The following HOXA11 variants were observed in gnomAD, a reference collection of about 807,000 sequenced individuals.
HOXA11 encodes the protein homeobox A11.
A neutral mutation model predicts 22.5 loss-of-function variants in HOXA11; 8 were observed. The ratio of observed to expected loss-of-function variants is 0.36; its 90% CI spans 0.21 to 0.64. The LOEUF (loss-of-function observed/expected upper bound fraction) is 0.64. Among genes scored for constraint, HOXA11 ranks in the 30% least tolerant of loss-of-function variants. The pLI is 0.67. For missense variants in HOXA11, 388 were observed against 429.0 expected, an observed-to-expected ratio of 0.90 and a Z score of 0.84; for synonymous variants, 211 against 188.4, an observed-to-expected ratio of 1.12 and a Z score of -0.98.
chr7:27,181,362 G>T lies in HOXA11; in HGVS notation c.*1434C>A, dbSNP rs1424644720. 1 of 207,618 alleles carries T rather than the reference G, an allele frequency of 4.8e-6. No homozygotes were observed. Among genetic ancestry groups the T allele is most frequent in the Non-Finnish European group, 9.8e-6 (1 of 101,788 alleles). 12.9% of individuals were successfully genotyped at this position (207,618 alleles called of 1,614,324 possible). A position where few individuals can be genotyped will look rare whatever the true frequency, so the allele number is the denominator to read the frequency against. On this transcript the variant is annotated 3_prime_UTR_variant, in exon 2 of 2. Transcript: ENST00000006015. ...CAGATGAGATCCCCAGGCCGGCCAG[G>T]CCGACTGCCTCTGAGCATTTCCCTA...
In HOXA11 at chr7:27,182,548, C is replaced by T. The variant is rs1237703231; in HGVS notation, c.*248G>A. On this transcript the variant is annotated 3_prime_UTR_variant, in exon 2 of 2. Coordinates refer to ENST00000006015, the MANE Select transcript of HOXA11 (RefSeq NM_005523.6). Reference sequence around the variant, plus strand: ...CTCTGCAGGCTCCAAGAGTGAACCACCAGGGGTCCCAAACCTGTCATTCTA... The same window carrying T: ...CTCTGCAGGCTCCAAGAGTGAACCATCAGGGGTCCCAAACCTGTCATTCTA... The T allele has an allele frequency of 2.5e-5, 14 of 553,348 alleles. No homozygotes were observed. The highest frequency in any genetic ancestry group is 9.8e-5 in the South Asian group (5 of 51,092). 34.3% of individuals were successfully genotyped at this position (553,348 alleles called of 1,614,324 possible).
chr7:27,183,163 C>T, intron 1 of HOXA11, 135 bp from the exon 2 acceptor site: 3 of 639,984 alleles, frequency 4.7e-6, no homozygotes, highest in Middle Eastern at 4.3e-4. Context: ...GCCCAGGCCC[C>T]TGCCTTTAAC....
In HOXA11 at chr7:27,182,339, G is replaced by A. The variant is rs769354206; in HGVS notation, c.*457C>T. 7.0e-6 allele frequency: 2 copies of A among 286,246 alleles called. No individual in the cohort carries two copies. Among genetic ancestry groups the A allele is most frequent in the African/African-American group, 2.1e-5 (1 of 47,056 alleles). 17.7% of individuals were successfully genotyped at this position (286,246 alleles called of 1,614,324 possible). ...AAAGCAGCCTCATTCTGGGCACCTAGTAATCCTACCCCTTCCTCCTGCCCC... is the reference window on the plus strand; with the variant it reads ...AAAGCAGCCTCATTCTGGGCACCTAATAATCCTACCCCTTCCTCCTGCCCC... On this transcript the variant is annotated 3_prime_UTR_variant, in exon 2 of 2. Transcript: ENST00000006015.
chr7:27,183,252 G>A (rs1783798076), intron 1 of HOXA11, among the ~76,000 whole-genome samples: 1 of 152,350 alleles, frequency 6.6e-6, no homozygotes, highest in African/African-American at 2.4e-5. Flanking sequence ...TAGGCCCCCG[G>A]GGAAGCTGCT....
chr7:27,182,677 A>C lies in HOXA11; in HGVS notation c.*119T>G, dbSNP rs1459848397. 7 of 754,976 alleles carry C rather than the reference A, an allele frequency of 9.3e-6. No homozygotes were observed. Among genetic ancestry groups the C allele is most frequent in the Non-Finnish European group, 1.7e-5 (7 of 410,284 alleles). The allele number at this position is 754,976 out of a possible 1,614,324, so 46.8% of individuals were successfully genotyped here. A position where few individuals can be genotyped will look rare whatever the true frequency, so the allele number is the denominator to read the frequency against. The stretch of plus-strand genomic sequence containing the variant: ...ACCTCCTGTGGGGCTATCTCCATGC[A>C]TCCCTCTCTTGCACACCTCTTTTCA... On this transcript the variant is annotated 3_prime_UTR_variant, in exon 2 of 2. Coordinates refer to ENST00000006015, the MANE Select transcript of HOXA11 (RefSeq NM_005523.6).
Position 27,184,458 on chromosome 7 carries a change from A to T in HOXA11, c.687T>A (p.Thr229=), listed in dbSNP as rs540781967. The change falls in exon 1 of 2, where the codon ACT becomes ACA. Residue 229 remains threonine (T), a synonymous_variant. Transcript: ENST00000006015. ...TACTGGAGCCGCCGGCCTTGTCCTC[A>T]GTGTGGCCGGAAGACGACTCGGGGC... The part of the protein sequence containing the change: ...SSSPESSSGH[T]EDKAGGSSGQ... The T allele has an allele frequency of 4.5e-6, 7 of 1,565,220 alleles. No homozygotes were observed. In the South Asian group the frequency reaches 8.2e-5, roughly 18 times the overall value.
In HOXA11 at chr7:27,184,591, C is replaced by G; in HGVS notation, c.554G>C (p.Gly185Ala). 6.7e-7 allele frequency: 1 copy of G among 1,495,740 alleles called. No homozygotes were observed. The highest frequency in any genetic ancestry group is 8.9e-7 in the Non-Finnish European group (1 of 1,122,426). The allele number at this position is 1,495,740 out of a possible 1,614,324, so 92.7% of individuals were successfully genotyped here. The change falls in exon 1 of 2, where the codon GGC (glycine) becomes GCC (alanine). Residue 185 changes from glycine (G) to alanine (A), a missense_variant. Coordinates refer to ENST00000006015, the MANE Select transcript of HOXA11 (RefSeq NM_005523.6). ...GTCCGAACTTGAAGTTGCCGGCGCGCCCGTTGCAGCCGCCGCCGCCGCCGC... is the reference window on the plus strand; with the variant it reads ...GTCCGAACTTGAAGTTGCCGGCGCGGCCGTTGCAGCCGCCGCCGCCGCCGC... The part of the protein sequence containing the change: ...TSAAAAAAAT[G>A]APATSSSDSG...
Position 27,182,973 on chromosome 7 carries a change from C to T in HOXA11, c.765G>A (p.Glu255=). Residue 255 remains glutamate (E), a synonymous_variant, in exon 2 of 2, where the codon GAG becomes GAA. Transcript: ENST00000006015. ...CGCTGAAGAAGAACTCCCGTTCCAG[C>T]TCTCGGATCTGGTACTTGGTATAGG... is the stretch of plus-strand genomic sequence containing the variant. ...RCPYTKYQIR[E]LEREFFFSVY... 2.5e-6 allele frequency: 4 copies of T among 1,614,194 alleles called. No homozygotes were observed. The highest frequency in any genetic ancestry group is 2.5e-6 in the Non-Finnish European group (3 of 1,180,036).
rs1396193557 is a variant in HOXA11 at position 27,184,769 on chromosome 7, A to C, written c.376T>G (p.Phe126Val). The C allele has an allele frequency of 6.2e-7, 1 of 1,613,842 alleles. No individual in the cohort carries two copies. The highest frequency in any genetic ancestry group is 1.1e-5 in the South Asian group (1 of 91,074). ...CCGTTCCTGCCCACGGTGCTATAGA[A>C]ATTGGACGAGACTGCGGGGGTGGGG... Reference protein sequence around the residue: ...HHPTPAVSSNFYSTVGRNGVL... With the variant: ...HHPTPAVSSNVYSTVGRNGVL... The change falls in exon 1 of 2, where the codon TTC becomes GTC. Residue 126 changes from phenylalanine to valine, a missense_variant. Coordinates refer to ENST00000006015, the MANE Select transcript of HOXA11 (RefSeq NM_005523.6).
rs1293092273 is a variant in HOXA11, at chr7:27,184,527, T to TGCC, written c.615_617dup (p.Ala207dup). ...GCCGCCGCCGCTCTTTCTCCTCTGCTGCCGCCGCCGTCTCCCGGCAGCCGC... is the reference window on the plus strand; with the variant it reads ...GCCGCCGCCGCTCTTTCTCCTCTGCTGCCGCCGCCGCCGTCTCCCGGCAGCCGC... On this transcript the variant is annotated inframe_insertion, in exon 1 of 2. Coordinates refer to ENST00000006015, the MANE Select transcript of HOXA11 (RefSeq NM_005523.6). 1 of 1,508,088 alleles carries TGCC rather than the reference T, an allele frequency of 6.6e-7. No homozygotes were observed. Among genetic ancestry groups the TGCC allele is most frequent in the Non-Finnish European group, 8.9e-7 (1 of 1,125,950 alleles). The allele number at this position is 1,508,088 out of a possible 1,614,324, so 93.4% of individuals were successfully genotyped here.
At chr7:27,183,905 C>T (rs1783810550) in intron 1 of HOXA11, among the ~76,000 whole-genome samples, 1 of 152,078 alleles carries the variant, frequency 6.6e-6, no homozygotes, top group East Asian at 1.9e-4. Context: ...ACAAAAAGGC[C>T]AACTTTGGGT....
Position 27,184,518 on chromosome 7 carries a change from C to A in HOXA11, c.627G>T (p.Glu209Asp). The A allele has an allele frequency of 6.6e-7, 1 of 1,526,518 alleles. No homozygotes were observed. The highest frequency in any genetic ancestry group is 8.8e-7 in the Non-Finnish European group (1 of 1,135,764). 94.6% of individuals were successfully genotyped at this position (1,526,518 alleles called of 1,614,324 possible). Residue 209 changes from glutamate (E) to aspartate (D), a missense_variant, in exon 1 of 2, where the codon GAG (glutamate) becomes GAT (aspartate). Physicochemically the swap from Glu to Asp is conservative, Grantham distance 45. This residue lies in a region of HOXA11 where 295 missense variants were observed against 281.1 expected (regional missense o/e 1.05). Transcript: ENST00000006015. ...TCTCGGGGCGCCGCCGCCGCTCTTT[C>A]TCCTCTGCTGCCGCCGCCGTCTCCC... ...GCRETAAAAEEKERRRRPESS... is the reference protein window; with the variant it reads ...GCRETAAAAEDKERRRRPESS...
Position 27,182,505 on chromosome 7 carries a change from A to G in HOXA11, c.*291T>C, listed in dbSNP as rs1583440130. ...GGCAGGGGCCCAATCCCCAGTGGAGACCACACCCAGCCCGCAGCTCTGCAG... is the reference window on the plus strand; with the variant it reads ...GGCAGGGGCCCAATCCCCAGTGGAGGCCACACCCAGCCCGCAGCTCTGCAG... On this transcript the variant is annotated 3_prime_UTR_variant, in exon 2 of 2. Transcript: ENST00000006015. 3.9e-5 allele frequency: 19 copies of G among 492,340 alleles called. No homozygotes were observed. In the East Asian group the frequency reaches 6.9e-4, roughly 18 times the overall value. The allele number at this position is 492,340 out of a possible 1,614,324, so 30.5% of individuals were successfully genotyped here. A position where few individuals can be genotyped will look rare whatever the true frequency, so the allele number is the denominator to read the frequency against.
rs116904520 is a variant in HOXA11 at position 27,183,127 on chromosome 7, G to A, written c.710-99C>T. On this transcript the variant is annotated intron_variant, in intron 1 of 1. Transcript: ENST00000006015. Reference sequence around the variant, plus strand: ...AGAAGGGCTGCCATGGGGACTGGTGGTCCAGCCCAAGCCCCGTCAAAGTCT... The same window carrying A: ...AGAAGGGCTGCCATGGGGACTGGTGATCCAGCCCAAGCCCCGTCAAAGTCT... The A allele has an allele frequency of 3.5e-4, 285 of 803,642 alleles. 3 individuals are homozygous for A. The East Asian group carries it at 6.6e-3, about 19-fold the overall frequency. 49.8% of individuals were successfully genotyped at this position (803,642 alleles called of 1,614,324 possible). A position where few individuals can be genotyped will look rare whatever the true frequency, so the allele number is the denominator to read the frequency against.
chr7:27,184,932 A>C lies in HOXA11; in HGVS notation c.213T>G (p.Thr71=). Residue 71 remains threonine (T), a synonymous_variant, in exon 1 of 2, where the codon ACT becomes ACG. Coordinates refer to ENST00000006015, the MANE Select transcript of HOXA11 (RefSeq NM_005523.6). ...TFREYAIEPA[T]KWHPRGNLAH... ...CCAGATTGCCGCGGGGGTGCCATTT[A>C]GTGGCGGGCTCAATGGCGTACTCTC... 1 of 1,613,726 alleles carries C rather than the reference A, an allele frequency of 6.2e-7. No individual in the cohort carries two copies. Among genetic ancestry groups the C allele is most frequent in the Non-Finnish European group, 8.5e-7 (1 of 1,179,862 alleles).
In HOXA11 at chr7:27,184,481, G is replaced by GGCT; in HGVS notation, c.661_663dup (p.Ser221dup). On this transcript the variant is annotated inframe_insertion, in exon 1 of 2. Transcript: ENST00000006015. ...TCAGTGTGGCCGGAAGACGACTCGG[G>GGCT]GCTGCTGCTGCTCTCGGGGCGCCGC... The GGCT allele has an allele frequency of 6.4e-7, 1 of 1,550,684 alleles. No homozygotes were observed. Among genetic ancestry groups the GGCT allele is most frequent in the Non-Finnish European group, 8.7e-7 (1 of 1,148,312 alleles).
rs1783784516 is a variant in HOXA11, at chr7:27,182,401, C to CT, written c.*394dup. 1.5e-5 allele frequency: 6 copies of CT among 401,768 alleles called. No homozygotes were observed. The East Asian group carries it at 2.6e-4, about 17-fold the overall frequency. The allele number at this position is 401,768 out of a possible 1,614,324, so 24.9% of individuals were successfully genotyped here. On this transcript the variant is annotated 3_prime_UTR_variant, in exon 2 of 2. Transcript: ENST00000006015. ...TGAACTGGGCTTGGAGAGCACACAG[C>CT]TTTTTTACTCAGGGGTCCTGGGGGT...
chr7:27,182,527 G>T lies in HOXA11; in HGVS notation c.*269C>A. ...GAGACCACACCCAGCCCGCAGCTCT[G>T]CAGGCTCCAAGAGTGAACCACCAGG... On this transcript the variant is annotated 3_prime_UTR_variant, in exon 2 of 2. Transcript: ENST00000006015. 1.9e-6 allele frequency: 1 copy of T among 519,034 alleles called. No homozygotes were observed. The highest frequency in any genetic ancestry group is 3.5e-6 in the Non-Finnish European group (1 of 286,638). The allele number at this position is 519,034 out of a possible 1,614,324, so 32.2% of individuals were successfully genotyped here.
chr7:27,183,023 G>T lies in HOXA11; in HGVS notation c.715C>A (p.Gln239Lys), dbSNP rs1783794878. 18 of 1,612,370 alleles carry T rather than the reference G, an allele frequency of 1.1e-5. No homozygotes were observed. The highest frequency in any genetic ancestry group is 1.5e-5 in the Non-Finnish European group (18 of 1,178,808). Residue 239 changes from glutamine (Q) to lysine (K), a missense_variant, in exon 2 of 2, where the codon CAA becomes AAA. This residue lies in a region of HOXA11 where 295 missense variants were observed against 281.1 expected (regional missense o/e 1.05). Coordinates refer to ENST00000006015, the MANE Select transcript of HOXA11 (RefSeq NM_005523.6). ...GGGCAGCGCTTTTTGCGGGTGCGTT[G>T]GCCACCTGTGGAGGGAGAAAAGGCA... ...TEDKAGGSSG[Q>K]RTRKKRCPYT... is the part of the protein sequence containing the mutation.
Sources: gnomAD v4.1 joint callset for allele counts (sites outside exome capture counted in the v4.1 genomes callset) on GRCh38, gnomAD v4.1.1 for gene constraint, gnomAD v4.1.1 regional missense constraint, MANE v1.5 for transcripts, NCBI Gene and HGNC (gene_info 2026-07-23, HGNC 2026-07-21) for gene names.